Variants in AKAP17A observed in about 807,000 individuals in gnomAD.
AKAP17A encodes A-kinase anchor protein 17A.
Under a neutral mutation model 52.2 loss-of-function variants are expected in AKAP17A, and 15 were observed. That is an observed-to-expected ratio of 0.29 (90% CI 0.19 to 0.44). AKAP17A has a LOEUF of 0.44. Ranked by LOEUF, AKAP17A falls within the 20% of genes least tolerant of loss-of-function variation. The probability of loss-of-function intolerance (pLI) is 1.00; values close to 1 mark genes in which losing one functional copy is unlikely to be tolerated. For synonymous variants in AKAP17A, 514 were observed against 424.7 expected (o/e 1.21, Z -2.58); for missense variants, 1,060 against 1,007.0 (o/e 1.05, Z -0.71).
At chrX:1,599,852 AG>A (rs1479306625) in intron 4 of AKAP17A, 2 of 587,022 alleles carry the variant, frequency 3.4e-6, no homozygotes, top group Non-Finnish European at 6.1e-6. Flanking sequence ...GGCTGGGGGG[AG>A]GGCTGAGCGC....
Position 1,601,196 on chromosome X carries a change from G to C in AKAP17A, c.1690G>C (p.Glu564Gln). The C allele has an allele frequency of 6.2e-7, 1 of 1,613,908 alleles. No homozygotes were observed. Among genetic ancestry groups the C allele is most frequent in the Non-Finnish European group, 8.5e-7 (1 of 1,179,828 alleles). Residue 564 changes from glutamate to glutamine, a missense_variant, in exon 5 of 5, where the codon GAG becomes CAG. By Grantham distance (29) the Glu-to-Gln change is conservative. This residue lies in a region of AKAP17A where 793 missense variants were observed against 629.9 expected (regional missense o/e 1.26). Coordinates refer to ENST00000313871, the MANE Select transcript of AKAP17A (RefSeq NM_005088.3). Reference sequence around the variant, plus strand: ...ACAGCCCAAGGGCATCCCTGCCTGCGAGCAGAATGTCTCCAGAAAGGACAC... The same window carrying C: ...ACAGCCCAAGGGCATCCCTGCCTGCCAGCAGAATGTCTCCAGAAAGGACAC... The part of the protein sequence containing the change: ...NQQPKGIPAC[E>Q]QNVSRKDTRS...
Position 1,600,655 on chromosome X carries a change from G to T in AKAP17A, c.1153-4G>T, listed in dbSNP as rs192024262. ...GCTCAGCTGCACTTTCCTCTTCCCC[G>T]CAGGCTGTGAAGCTACGGGAACAGG... On this transcript the variant is annotated splice_region_variant and splice_polypyrimidine_tract_variant and intron_variant, in intron 4 of 4. Coordinates refer to ENST00000313871, the MANE Select transcript of AKAP17A (RefSeq NM_005088.3). The T allele has an allele frequency of 1.1e-3, 1,717 of 1,533,576 alleles. 15 individuals carry two copies. In the African/African-American group the frequency reaches 0.02, roughly 18 times the overall value. 95.0% of individuals were successfully genotyped at this position (1,533,576 alleles called of 1,614,324 possible).
chrX:1,600,020 C>T (rs1933268778), intron 4 of AKAP17A: 1 of 571,546 alleles, frequency 1.7e-6, no homozygotes, highest in South Asian at 1.5e-5. Flanking sequence ...GGCCAGGGCC[C>T]ACAGACAGAC....
chrX:1,592,319 C>G (rs1244749948), intron 1 of AKAP17A, among the ~76,000 whole-genome samples: 1 of 151,834 alleles, frequency 6.6e-6, no homozygotes, highest in Non-Finnish European at 1.5e-5. Context: ...GCCAGGGGTG[C>G]CAGCGGCAGC....
chrX:1,597,236 T>C lies in AKAP17A; in HGVS notation c.911+1704T>C, dbSNP rs187862488. Among the ~76,000 whole-genome samples the C allele has an allele frequency of 5.3e-4, 80 of 152,316 alleles. 2 individuals are homozygous for C. In the East Asian group the frequency reaches 0.015, roughly 29 times the overall value. ...GTGGTGTTCTTTACGTAGCCCCCGT[T>C]GCCTCCCCAGGGGAGAGTCGGGTTG... On this transcript the variant is annotated intron_variant, in intron 3 of 4. Coordinates refer to ENST00000313871, the MANE Select transcript of AKAP17A (RefSeq NM_005088.3).
At chrX:1,598,840 G>A (rs1377149092) in intron 3 of AKAP17A, among the ~76,000 whole-genome samples, 11 of 152,222 alleles carry the variant, frequency 7.2e-5, no homozygotes, top group Non-Finnish European at 5.9e-5. Context: ...CCGGGGCCTT[G>A]TTGGGCCTGC....
intron 3 of AKAP17A, among the ~76,000 whole-genome samples, chrX:1,598,592 T>C (rs1933155293): frequency 6.6e-6 from 1 of 152,148 alleles, no homozygotes; most frequent in Non-Finnish European, 1.5e-5. Context: ...CTGTCTCTTG[T>C]GGACTCTCTC....
At chrX:1,600,470 G>A (rs1445971784) in intron 4 of AKAP17A, among the ~76,000 whole-genome samples, 189 bp from the exon 5 acceptor site, 5 of 152,230 alleles carry the variant, frequency 3.3e-5, no homozygotes, top group South Asian at 4.1e-4. Context: ...GGCCGCGGGA[G>A]CCGAGGGATG....
chrX:1,599,740 G>A (rs1460752667), intron 4 of AKAP17A: 2 of 618,916 alleles, frequency 3.2e-6, no homozygotes, highest in Non-Finnish European at 5.8e-6. Flanking sequence ...CGGGGCAGTG[G>A]CAGAGAGTGC....
chrX:1,593,381 C>G, intron 1 of AKAP17A, 63 bp from the exon 2 acceptor site: 1 of 1,527,800 alleles, frequency 6.5e-7, no homozygotes, highest in Non-Finnish European at 8.9e-7. Flanking sequence ...CTGGCTTGGC[C>G]CCTCCTCATT....
chrX:1,601,529 C>A lies in AKAP17A; in HGVS notation c.2023C>A (p.Arg675Ser). 2 of 1,492,438 alleles carry A rather than the reference C, an allele frequency of 1.3e-6. No individual in the cohort carries two copies. Among genetic ancestry groups the A allele is most frequent in the East Asian group, 4.7e-5 (2 of 42,632 alleles). 92.4% of individuals were successfully genotyped at this position (1,492,438 alleles called of 1,614,324 possible). A position where few individuals can be genotyped will look rare whatever the true frequency, so the allele number is the denominator to read the frequency against. The part of the protein sequence containing the change: ...GSASRKHSRH[R>S]RRSERSRSRS... Reference sequence around the variant, plus strand: ...CGCCAGCAGGAAGCACAGCCGCCACCGCCGCCGAAGCGAGCGGTCGCGCTC... The same window carrying A: ...CGCCAGCAGGAAGCACAGCCGCCACAGCCGCCGAAGCGAGCGGTCGCGCTC... Residue 675 changes from arginine to serine, a missense_variant, in exon 5 of 5, where the codon CGC becomes AGC. Transcript: ENST00000313871.
chrX:1,595,794 C>T (rs1419648888), intron 3 of AKAP17A, among the ~76,000 whole-genome samples: 5 of 151,148 alleles, frequency 3.3e-5, no homozygotes, highest in Non-Finnish European at 5.9e-5. Flanking sequence ...TGTGTGAGCT[C>T]GTGTGTGTAC....
chrX:1,599,267 G>T lies in AKAP17A; in HGVS notation c.987G>T (p.Gln329His). The change falls in exon 4 of 5, where the codon CAG becomes CAT. Residue 329 changes from glutamine to histidine, a missense_variant. By Grantham distance (24) the Gln-to-His change is conservative. Transcript: ENST00000313871. The stretch of plus-strand genomic sequence containing the variant: ...AGCTTCGCAAGAGGGAGCAGAAGCA[G>T]AGGGACCGTGAGCTGCGCCGGAATC... ...EEKLRKREQK[Q>H]RDRELRRNQK... is the part of the protein sequence containing the mutation. 6.2e-7 allele frequency: 1 copy of T among 1,612,534 alleles called. No homozygotes were observed.
At chrX:1,596,422 G>A (rs1243236903) in intron 3 of AKAP17A, among the ~76,000 whole-genome samples, 10 of 150,722 alleles carry the variant, frequency 6.6e-5, no homozygotes, top group East Asian at 3.9e-4. Context: ...CCCCTGAGGC[G>A]GAATCCTCCT....
chrX:1,598,786 G>A (rs1386294172), intron 3 of AKAP17A, among the ~76,000 whole-genome samples: 1 of 152,218 alleles, frequency 6.6e-6, no homozygotes. Context: ...ACCCAGCGCG[G>A]TTCCTGGTGG....
intron 2 of AKAP17A, among the ~76,000 whole-genome samples, chrX:1,594,527 C>G (rs1229088636): frequency 6.6e-6 from 1 of 152,198 alleles, no homozygotes; most frequent in Admixed American, 6.5e-5. Context: ...GTGTCAGAAC[C>G]AAGAGAACCC....
chrX:1,594,122 G>A lies in AKAP17A; in HGVS notation c.660G>A (p.Gln220=). The change falls in exon 2 of 5, where the codon CAG becomes CAA. Residue 220 remains glutamine, a synonymous_variant. Coordinates refer to ENST00000313871, the MANE Select transcript of AKAP17A (RefSeq NM_005088.3). ...GGHLNFEAYV[Q]YREYMGFIQA... Reference sequence around the variant, plus strand: ...ACTTGAACTTCGAGGCCTATGTGCAGTACCGCGAGTACATGGGCTTCATCC... The same window carrying A: ...ACTTGAACTTCGAGGCCTATGTGCAATACCGCGAGTACATGGGCTTCATCC... 2.5e-6 allele frequency: 4 copies of A among 1,613,322 alleles called. No individual in the cohort carries two copies. The highest frequency in any genetic ancestry group is 3.4e-6 in the Non-Finnish European group (4 of 1,179,616).
intron 4 of AKAP17A, 31 bp from the exon 5 acceptor site, chrX:1,600,628 G>A (rs372895856): frequency 3.6e-5 from 54 of 1,501,398 alleles, no homozygotes; most frequent in African/African-American, 3.2e-4. Flanking sequence ...CTCAGGAACC[G>A]GGCTCAGCTG....
intron 3 of AKAP17A, among the ~76,000 whole-genome samples, chrX:1,596,917 G>T (rs1461595272): frequency 6.6e-6 from 1 of 150,930 alleles, no homozygotes; most frequent in East Asian, 2.0e-4. Flanking sequence ...CTAGTGAGGC[G>T]GAATCCTCCT....
Sources: allele counts gnomAD v4.1 joint callset (sites outside exome capture counted in the v4.1 genomes callset), GRCh38; gene constraint gnomAD v4.1.1; regional missense constraint gnomAD v4.1.1; transcripts MANE v1.5; gene names NCBI Gene and HGNC (gene_info 2026-07-23, HGNC 2026-07-21).